PSPH: variants seen among roughly 807,000 people sequenced by gnomAD.
PSPH encodes the protein L-3-phosphoserine phosphatase.
PSPH carries 16 observed loss-of-function variants against 23.4 expected under a neutral mutation model. The observed-to-expected ratio is 0.68, with a 90% confidence interval of 0.46 to 1.04. The LOEUF is 1.04. PSPH is among the 50% of genes least tolerant of loss of function. The pLI is 0.00. For synonymous variants in PSPH, 68 were observed against 99.7 expected, an observed-to-expected ratio of 0.68 and a Z score of 1.89; for missense variants, 223 against 273.7, an observed-to-expected ratio of 0.81 and a Z score of 1.31.
chr7:56,042,245 G>GA (rs997089373), intron 1 of PSPH, among the ~76,000 whole-genome samples: 3 of 148,466 alleles, frequency 2.0e-5, no homozygotes, highest in Non-Finnish European at 3.0e-5. Flanking sequence ...AAATCTGTCT[G>GA]AAAAAAAACT....
intron 1 of PSPH, among the ~76,000 whole-genome samples, chr7:56,046,091 C>CGG (rs964104560): frequency 1.3e-5 from 2 of 151,972 alleles, no homozygotes; most frequent in Admixed American, 1.3e-4. Flanking sequence ...ACACTCAGCT[C>CGG]GGGGAATCTA....
At chr7:56,047,445 A>T (rs1321058683) in intron 1 of PSPH, among the ~76,000 whole-genome samples, 1 of 152,002 alleles carries the variant, frequency 6.6e-6, no homozygotes, top group Non-Finnish European at 1.5e-5. Context: ...TATGATGAAA[A>T]ACAGAACAGT....
intron 1 of PSPH, among the ~76,000 whole-genome samples, chr7:56,036,593 T>C (rs1455273770): frequency 6.6e-6 from 1 of 150,830 alleles, no homozygotes; most frequent in Non-Finnish European, 1.5e-5. Flanking sequence ...CATGCCACTG[T>C]ACTCCAGTCT....
At chr7:56,049,298 CCT>C (rs1029178024) in intron 1 of PSPH, among the ~76,000 whole-genome samples, 26 of 152,264 alleles carry the variant, frequency 1.7e-4, no homozygotes, top group Non-Finnish European at 2.4e-4. Flanking sequence ...GCTCCCACCC[CCT>C]GACAGGTCCC....
chr7:56,019,405 C>G (rs549520873), intron 5 of PSPH, among the ~76,000 whole-genome samples, 195 bp downstream of exon 5: 168 of 148,560 alleles, frequency 1.1e-3, no homozygotes, highest in Non-Finnish European at 2.1e-3. Context: ...CACCACTGCA[C>G]TCCAGCCTGA....
At chr7:56,017,584 C>CT (rs1788738158) in intron 5 of PSPH, among the ~76,000 whole-genome samples, 1 of 151,810 alleles carries the variant, frequency 6.6e-6, no homozygotes, top group Non-Finnish European at 1.5e-5. Flanking sequence ...GAGTCTCGCT[C>CT]TGTCGCCCAG....
At chr7:56,036,323 G>C (rs1235618111) in intron 1 of PSPH, among the ~76,000 whole-genome samples, 6 of 152,100 alleles carry the variant, frequency 3.9e-5, no homozygotes, top group Admixed American at 3.9e-4. Flanking sequence ...AATTTATTTT[G>C]TTTGAGGTGA....
At chr7:56,039,455 G>A (rs1792190775) in intron 1 of PSPH, among the ~76,000 whole-genome samples, 1 of 152,008 alleles carries the variant, frequency 6.6e-6, no homozygotes, top group South Asian at 2.1e-4. Flanking sequence ...GCTAACAATT[G>A]TAATATTTCT....
At chr7:56,036,039 G>C (rs900269318) in intron 1 of PSPH, among the ~76,000 whole-genome samples, 1 of 152,018 alleles carries the variant, frequency 6.6e-6, no homozygotes, top group Non-Finnish European at 1.5e-5. Flanking sequence ...GACTAGCCTG[G>C]CTAACAAGTT....
intron 1 of PSPH, among the ~76,000 whole-genome samples, chr7:56,035,812 G>A (rs922908169): frequency 2.6e-5 from 4 of 151,914 alleles, no homozygotes; most frequent in Non-Finnish European, 4.4e-5. Context: ...TAGAGATGGG[G>A]TTTCACCATG....
chr7:56,040,656 T>C (rs532839485), intron 1 of PSPH, among the ~76,000 whole-genome samples: 32 of 151,982 alleles, frequency 2.1e-4, no homozygotes, highest in Admixed American at 4.6e-4. Context: ...TAGGGAGATA[T>C]GGTGGTGAGG....
chr7:56,019,643 T>C lies in PSPH; in HGVS notation c.232A>G (p.Arg78Gly). ...LIQPSREQVQRLIAEQPPHLT... is the reference protein window; with the variant it reads ...LIQPSREQVQGLIAEQPPHLT... Reference sequence around the variant, plus strand: ...TGTGGGGGTTGCTCTGCTATGAGTCTCTGCACCTGCTCCCTGGAGGGCTGG... The same window carrying C: ...TGTGGGGGTTGCTCTGCTATGAGTCCCTGCACCTGCTCCCTGGAGGGCTGG... The change falls in exon 5 of 8, where the codon AGA becomes GGA. Residue 78 changes from arginine (R) to glycine (G), a missense_variant. Physicochemically the swap from Arg to Gly is moderately radical, Grantham distance 125 (BLOSUM62 -2). Coordinates refer to ENST00000275605, the MANE Select transcript of PSPH (RefSeq NM_004577.4). The C allele has an allele frequency of 6.2e-7, 1 of 1,613,978 alleles. No homozygotes were observed. Among genetic ancestry groups the C allele is most frequent in the Non-Finnish European group, 8.5e-7 (1 of 1,179,904 alleles).
intron 5 of PSPH, among the ~76,000 whole-genome samples, chr7:56,017,807 C>A (rs1246250947): frequency 6.6e-6 from 1 of 151,240 alleles, no homozygotes; most frequent in East Asian, 2.0e-4. Flanking sequence ...ACTGCAACCT[C>A]CTCCTACAGG....
chr7:56,041,049 G>C (rs1477435600), intron 1 of PSPH, among the ~76,000 whole-genome samples: 2 of 152,044 alleles, frequency 1.3e-5, no homozygotes, highest in Non-Finnish European at 2.9e-5. Flanking sequence ...AGCCTTCCAA[G>C]TAAATTCAGT....
At chr7:56,029,615 A>T (rs2116872095) in intron 3 of PSPH, among the ~76,000 whole-genome samples, 1 of 152,182 alleles carries the variant, frequency 6.6e-6, no homozygotes, top group African/African-American at 2.4e-5. Context: ...AAGAGGAAAA[A>T]TTTCCTTGCC....
At chr7:56,034,519 T>C (rs1332273994) in intron 1 of PSPH, among the ~76,000 whole-genome samples, 4 of 152,080 alleles carry the variant, frequency 2.6e-5, no homozygotes, top group Admixed American at 2.0e-4. Flanking sequence ...AGACTACTTA[T>C]ATTCTTTTTT....
Position 56,011,483 on chromosome 7 carries a change from C to T in PSPH, c.*279G>A, listed in dbSNP as rs1287098515. The T allele has an allele frequency of 3.0e-5, 7 of 235,608 alleles. No homozygotes were observed. The highest frequency in any genetic ancestry group is 9.3e-5 in the African/African-American group (4 of 43,130). 14.6% of individuals were successfully genotyped at this position (235,608 alleles called of 1,614,324 possible). ...GGCAGAGCTTGCAGTGAGCCGAGAC[C>T]GCGCCACTGCACTCCAGCCTGGGCA... On this transcript the variant is annotated 3_prime_UTR_variant, in exon 8 of 8. Coordinates refer to ENST00000275605, the MANE Select transcript of PSPH (RefSeq NM_004577.4).
At chr7:56,030,082 C>A (rs555946881) in intron 3 of PSPH, among the ~76,000 whole-genome samples, 1 of 151,592 alleles carries the variant, frequency 6.6e-6, no homozygotes, top group South Asian at 2.1e-4. Context: ...GGGCTGGGAT[C>A]CCCAGCACAT....
At chr7:56,021,316 T>C (rs543758001) in intron 3 of PSPH, 85 bp from the exon 4 acceptor site, 2 of 1,377,174 alleles carry the variant, frequency 1.5e-6, no homozygotes, top group Non-Finnish European at 2.0e-6. Context: ...CAATCTAATT[T>C]GTGTCAAAGT....
Sources: allele counts gnomAD v4.1 joint callset (sites outside exome capture counted in the v4.1 genomes callset), GRCh38; gene constraint gnomAD v4.1.1; transcripts MANE v1.5; gene names NCBI Gene and HGNC (gene_info 2026-07-23, HGNC 2026-07-21).